PSME1: variants seen among roughly 807,000 people sequenced by gnomAD.
PSME1 encodes the protein proteasome activator complex subunit 1.
In PSME1, 15 loss-of-function variants were observed where a neutral mutation model predicts 38.4. The ratio of observed to expected loss-of-function variants is 0.39; its 90% CI spans 0.26 to 0.60. The LOEUF (loss-of-function observed/expected upper bound fraction) is 0.60, where lower values mean the gene tolerates loss of function less well. Among genes scored for constraint, PSME1 ranks in the 20% least tolerant of loss-of-function variants. The probability of loss-of-function intolerance (pLI) is 0.53; values close to 1 mark genes in which losing one functional copy is unlikely to be tolerated. For synonymous variants in PSME1, 106 were observed against 106.8 expected, an observed-to-expected ratio of 0.99 and a Z score of 0.05; for missense variants, 249 against 305.6, an observed-to-expected ratio of 0.81 and a Z score of 1.38.
Position 24,138,835 on chromosome 14 carries a change from T to C in PSME1, c.*19T>C. The C allele has an allele frequency of 6.2e-7, 1 of 1,611,804 alleles. No homozygotes were observed. Among genetic ancestry groups the C allele is most frequent in the East Asian group, 2.2e-5 (1 of 44,880 alleles). On this transcript the variant is annotated 3_prime_UTR_variant, in exon 11 of 11. Coordinates refer to ENST00000206451, the MANE Select transcript of PSME1 (RefSeq NM_006263.4). Reference sequence around the variant, plus strand: ...CTATTGAGAGCCCTCTCTCCCATTCTGTGATGAGTACAGCAGAGACCTTCC... The same window carrying C: ...CTATTGAGAGCCCTCTCTCCCATTCCGTGATGAGTACAGCAGAGACCTTCC...
chr14:24,136,300 A>C lies in PSME1; in HGVS notation c.38A>C (p.Lys13Thr). 1.3e-6 allele frequency: 2 copies of C among 1,526,502 alleles called. No homozygotes were observed. Among genetic ancestry groups the C allele is most frequent in the Non-Finnish European group, 1.8e-6 (2 of 1,138,226 alleles). 94.6% of individuals were successfully genotyped at this position (1,526,502 alleles called of 1,614,324 possible). A position where few individuals can be genotyped will look rare whatever the true frequency, so the allele number is the denominator to read the frequency against. ...AGGGTCCAGCCCGAGGCCCAAGCCA[A>C]GGTGAGCGCCGCGGGGTCTAGAAAG... is the stretch of plus-strand genomic sequence containing the variant. Reference protein sequence around the residue: ...MLRVQPEAQAKVDVFREDLCT... With the variant: ...MLRVQPEAQATVDVFREDLCT... Residue 13 changes from lysine (K) to threonine (T), a missense_variant and splice_region_variant, in exon 1 of 11, where the codon AAG becomes ACG. Transcript: ENST00000206451. The surrounding 1 kb of genome is among the most constrained non-coding windows in gnomAD (Gnocchi z 4.8).
Position 24,136,805 on chromosome 14 carries a change from T to A in PSME1, c.40-180T>A. On this transcript the variant is annotated intron_variant, in intron 1 of 10. Coordinates refer to ENST00000206451, the MANE Select transcript of PSME1 (RefSeq NM_006263.4). This position sits in a 1 kb window ranked among gnomAD's most constrained non-coding sequence, Gnocchi z 4.8. ...TTCCGTAGATCCAGGTCTGCAGAGATCCACCTTCTCCACCACCCCAACCCA... is the reference window on the plus strand; with the variant it reads ...TTCCGTAGATCCAGGTCTGCAGAGAACCACCTTCTCCACCACCCCAACCCA... 1.4e-6 allele frequency: 1 copy of A among 692,960 alleles called. No individual in the cohort carries two copies. The highest frequency in any genetic ancestry group is 2.6e-6 in the Non-Finnish European group (1 of 383,882). The allele number at this position is 692,960 out of a possible 1,614,324, so 42.9% of individuals were successfully genotyped here.
At position 24,136,286 on chromosome 14, in the gene PSME1, C is replaced by T. The variant is rs1207525196; in HGVS notation, c.24C>T (p.Pro8=). 3 of 1,529,438 alleles carry T rather than the reference C, an allele frequency of 2.0e-6. No individual in the cohort carries two copies. Among genetic ancestry groups the T allele is most frequent in the Admixed American group, 2.0e-5 (1 of 48,790 alleles). The allele number at this position is 1,529,438 out of a possible 1,614,324, so 94.7% of individuals were successfully genotyped here. A position where few individuals can be genotyped will look rare whatever the true frequency, so the allele number is the denominator to read the frequency against. The change falls in exon 1 of 11, where the codon CCC becomes CCT. Residue 8 remains proline (P), a synonymous_variant. Coordinates refer to ENST00000206451, the MANE Select transcript of PSME1 (RefSeq NM_006263.4). This position sits in a 1 kb window ranked among gnomAD's most constrained non-coding sequence, Gnocchi z 4.8. ...TCATGGCCATGCTCAGGGTCCAGCCCGAGGCCCAAGCCAAGGTGAGCGCCG... is the reference window on the plus strand; with the variant it reads ...TCATGGCCATGCTCAGGGTCCAGCCTGAGGCCCAAGCCAAGGTGAGCGCCG... The part of the protein sequence containing the change: MAMLRVQ[P]EAQAKVDVFR...
In PSME1 at chr14:24,138,902, C is replaced by T; in HGVS notation, c.*86C>T. The T allele has an allele frequency of 6.3e-7, 1 of 1,591,720 alleles. No homozygotes were observed. Among genetic ancestry groups the T allele is most frequent in the Non-Finnish European group, 8.6e-7 (1 of 1,166,552 alleles). ...CTCCAGATTTTCCCCAAACTTGCTT[C>T]TGTTGAGATTTTTCCCTCACCTTGC... On this transcript the variant is annotated 3_prime_UTR_variant, in exon 11 of 11. Transcript: ENST00000206451.
At position 24,138,550 on chromosome 14, in the gene PSME1, G is replaced by C; in HGVS notation, c.659G>C (p.Arg220Pro). Residue 220 changes from arginine (R) to proline (P), a missense_variant, in exon 10 of 11, where the codon CGC becomes CCC. Coordinates refer to ENST00000206451, the MANE Select transcript of PSME1 (RefSeq NM_006263.4). ...ATCCGGCTGATGGTCATGGAGATCC[G>C]CAATGCTTATGTGAGGAGGCAAGGG... Reference protein sequence around the residue: ...RDIRLMVMEIRNAYAVLYDII... With the variant: ...RDIRLMVMEIPNAYAVLYDII... 2.5e-6 allele frequency: 4 copies of C among 1,614,028 alleles called. No individual in the cohort carries two copies. The highest frequency in any genetic ancestry group is 3.4e-6 in the Non-Finnish European group (4 of 1,180,018).
rs1377037574 is a variant in PSME1, at chr14:24,138,031, G to A, written c.391-18G>A. 1.2e-6 allele frequency: 2 copies of A among 1,613,568 alleles called. No individual in the cohort carries two copies. Among genetic ancestry groups the A allele is most frequent in the Non-Finnish European group, 1.7e-6 (2 of 1,179,438 alleles). Reference sequence around the variant, plus strand: ...GGGTAGAGGGCTGATGTGGCATTATGCCATTCCCTCTTCCCAGGTCACCAC... The same window carrying A: ...GGGTAGAGGGCTGATGTGGCATTATACCATTCCCTCTTCCCAGGTCACCAC... On this transcript the variant is annotated intron_variant, in intron 6 of 10. Coordinates refer to ENST00000206451, the MANE Select transcript of PSME1 (RefSeq NM_006263.4).
chr14:24,137,696 C>G lies in PSME1; in HGVS notation c.293-4C>G, dbSNP rs1227919110. 7 of 1,614,000 alleles carry G rather than the reference C, an allele frequency of 4.3e-6. No individual in the cohort carries two copies. Among genetic ancestry groups the G allele is most frequent in the Admixed American group, 1.7e-5 (1 of 60,030 alleles). ...ATGTGACTGACCCATTGCTCACTCT[C>G]TAGGTCCTCCCTGTGGCCCAGTGAA... On this transcript the variant is annotated splice_polypyrimidine_tract_variant and splice_region_variant and intron_variant, in intron 5 of 10. Transcript: ENST00000206451.
chr14:24,138,275 C>T lies in PSME1; in HGVS notation c.527+12C>T. ...ACTCAAATCTCTAAGTGAGTGACCACCCATGTGCACACTGTTTTTGTTTTG... is the reference window on the plus strand; with the variant it reads ...ACTCAAATCTCTAAGTGAGTGACCATCCATGTGCACACTGTTTTTGTTTTG... On this transcript the variant is annotated intron_variant, in intron 8 of 10. Transcript: ENST00000206451. 1 of 1,614,046 alleles carries T rather than the reference C, an allele frequency of 6.2e-7. No homozygotes were observed. Among genetic ancestry groups the T allele is most frequent in the Non-Finnish European group, 8.5e-7 (1 of 1,179,898 alleles).
intron 6 of PSME1, 101 bp from the exon 7 acceptor site, chr14:24,137,948 C>T (rs961967844): frequency 1.9e-5 from 29 of 1,508,786 alleles, no homozygotes; most frequent in African/African-American, 4.1e-5. Flanking sequence ...AGGATAGACC[C>T]GGCACGCCTC....
Position 24,137,308 on chromosome 14 carries a change from C to A in PSME1, c.136-13C>A, listed in dbSNP as rs770687191. The stretch of plus-strand genomic sequence containing the variant: ...ACTCCCTCACCTCCAGCCCTCCTCC[C>A]ACCCTACACCAGGAGCCAGCTCTCA... On this transcript the variant is annotated splice_polypyrimidine_tract_variant and intron_variant, in intron 3 of 10. Coordinates refer to ENST00000206451, the MANE Select transcript of PSME1 (RefSeq NM_006263.4). 1 of 1,613,556 alleles carries A rather than the reference C, an allele frequency of 6.2e-7. No individual in the cohort carries two copies. The highest frequency in any genetic ancestry group is 1.3e-5 in the African/African-American group (1 of 74,994).
chr14:24,138,131 C>G lies in PSME1; in HGVS notation c.459+14C>G, dbSNP rs11574511. On this transcript the variant is annotated intron_variant, in intron 7 of 10. Coordinates refer to ENST00000206451, the MANE Select transcript of PSME1 (RefSeq NM_006263.4). ...GTGGCTGTCCAGGTGAGAGCGCTGC[C>G]CCACTTCCCTGCTCTTTTCTAGTCC... is the stretch of plus-strand genomic sequence containing the variant. 0.026 allele frequency: 42,241 copies of G among 1,614,056 alleles called. 709 individuals carry two copies. The highest frequency in any genetic ancestry group is 0.056 in the Middle Eastern group (338 of 6,062).
rs751061723 is a variant in PSME1 at position 24,137,005 on chromosome 14, C to A, written c.60C>A (p.Asp20Glu). ...CACAGGTGGATGTGTTTCGTGAAGA[C>A]CTCTGTACCAAGGTAAGACATGCCC... ...AQAKVDVFRE[D>E]LCTKTENLLG... The change falls in exon 2 of 11, where the codon GAC becomes GAA. Residue 20 changes from aspartate to glutamate, a missense_variant. Physicochemically the swap from Asp to Glu is conservative, Grantham distance 45. Transcript: ENST00000206451. 39 of 1,614,040 alleles carry A rather than the reference C, an allele frequency of 2.4e-5. No homozygotes were observed. Among genetic ancestry groups the A allele is most frequent in the Non-Finnish European group, 3.3e-5 (39 of 1,180,046 alleles).
Position 24,138,136 on chromosome 14 carries a change from T to C in PSME1, c.459+19T>C. The C allele has an allele frequency of 6.2e-7, 1 of 1,614,140 alleles. No individual in the cohort carries two copies. Among genetic ancestry groups the C allele is most frequent in the Non-Finnish European group, 8.5e-7 (1 of 1,179,990 alleles). On this transcript the variant is annotated intron_variant, in intron 7 of 10. Transcript: ENST00000206451. ...TGTCCAGGTGAGAGCGCTGCCCCAC[T>C]TCCCTGCTCTTTTCTAGTCCATGCT...
chr14:24,138,790 G>A lies in PSME1; in HGVS notation c.724G>A (p.Gly242Arg). 2 of 1,614,122 alleles carry A rather than the reference G, an allele frequency of 1.2e-6. No individual in the cohort carries two copies. The highest frequency in any genetic ancestry group is 1.7e-6 in the Non-Finnish European group (2 of 1,179,996). ...CTTCGAGAAGCTCAAGAAGCCCAGG[G>A]GAGAAACAAAGGGAATGATCTATTG... Reference protein sequence around the residue: ...KNFEKLKKPRGETKGMIY With the variant: ...KNFEKLKKPRRETKGMIY The change falls in exon 11 of 11, where the codon GGA becomes AGA. Residue 242 changes from glycine (G) to arginine (R), a missense_variant. Transcript: ENST00000206451.
At position 24,138,253 on chromosome 14, in the gene PSME1, C is replaced by T. The variant is rs2037950779; in HGVS notation, c.517C>T (p.Gln173Ter). Residue 173 changes from glutamine (Q) to a stop codon, truncating the protein, a stop_gained, in exon 8 of 11, where the codon CAA (glutamine) becomes TAA (stop). Transcript: ENST00000206451. LOFTEE classifies it high-confidence loss of function. ...CACCAAGCTAGAAGGCTTCCACACT[C>T]AAATCTCTAAGTGAGTGACCACCCA... ...LHTKLEGFHT[Q>*]ISKYFSERGD... 1 of 1,614,086 alleles carries T rather than the reference C, an allele frequency of 6.2e-7. No individual in the cohort carries two copies. Among genetic ancestry groups the T allele is most frequent in the African/African-American group, 1.3e-5 (1 of 74,936 alleles).
At position 24,137,372 on chromosome 14, in the gene PSME1, A is replaced by G. The variant is rs904009951; in HGVS notation, c.187A>G (p.Ile63Val). The change falls in exon 4 of 11, where the codon ATC (isoleucine) becomes GTC (valine). Residue 63 changes from isoleucine to valine, a missense_variant. Ile to Val is a conservative substitution (Grantham distance 29). Coordinates refer to ENST00000206451, the MANE Select transcript of PSME1 (RefSeq NM_006263.4). ...GAGCAATCTGAAGGCCCCATTGGACATCCCAGTGCCTGATCCAGTCAAGGA... is the reference window on the plus strand; with the variant it reads ...GAGCAATCTGAAGGCCCCATTGGACGTCCCAGTGCCTGATCCAGTCAAGGA... ...NLSNLKAPLD[I>V]PVPDPVKEKE... 1 of 1,614,152 alleles carries G rather than the reference A, an allele frequency of 6.2e-7. No homozygotes were observed. The highest frequency in any genetic ancestry group is 1.1e-5 in the South Asian group (1 of 91,084).
chr14:24,138,266 G>A lies in PSME1; in HGVS notation c.527+3G>A, dbSNP rs760509143. 3.7e-6 allele frequency: 6 copies of A among 1,614,006 alleles called. No homozygotes were observed. The highest frequency in any genetic ancestry group is 2.2e-5 in the South Asian group (2 of 91,086). The stretch of plus-strand genomic sequence containing the variant: ...GGCTTCCACACTCAAATCTCTAAGT[G>A]AGTGACCACCCATGTGCACACTGTT... On this transcript the variant is annotated splice_donor_region_variant and intron_variant, in intron 8 of 10. Coordinates refer to ENST00000206451, the MANE Select transcript of PSME1 (RefSeq NM_006263.4).
rs772011952 is a variant in PSME1, at chr14:24,138,245, T to C, written c.509T>C (p.Phe170Ser). The C allele has an allele frequency of 6.2e-6, 10 of 1,614,206 alleles. No homozygotes were observed. In the Admixed American group the frequency reaches 8.3e-5, roughly 13 times the overall value. ...AGCCTCCACACCAAGCTAGAAGGCT[T>C]CCACACTCAAATCTCTAAGTGAGTG... is the stretch of plus-strand genomic sequence containing the variant. ...MTSLHTKLEG[F>S]HTQISKYFSE... The change falls in exon 8 of 11, where the codon TTC (phenylalanine) becomes TCC (serine). Residue 170 changes from phenylalanine to serine, a missense_variant. Phe to Ser is a radical substitution (Grantham distance 155, BLOSUM62 -2). Coordinates refer to ENST00000206451, the MANE Select transcript of PSME1 (RefSeq NM_006263.4).
chr14:24,137,703 CT>C lies in PSME1; in HGVS notation c.297del (p.Cys101ValfsTer4). The C allele has an allele frequency of 6.2e-7, 1 of 1,614,170 alleles. No individual in the cohort carries two copies. Among genetic ancestry groups the C allele is most frequent in the Non-Finnish European group, 8.5e-7 (1 of 1,179,980 alleles). On this transcript the variant is annotated frameshift_variant, in exon 6 of 11. Transcript: ENST00000206451. LOFTEE classifies it high-confidence loss of function. ...TGACCCATTGCTCACTCTCTAGGTC[CT>C]CCCTGTGGCCCAGTGAACTGCAATG... ...KKKGEDEDKGPPCGPVNCNEK... is the reference protein window; with the variant it reads ...KKKGEDEDKGXPCGPVNCNEK...
Sources: allele counts gnomAD v4.1 joint callset, GRCh38; gene constraint gnomAD v4.1.1; non-coding constraint Gnocchi (gnomAD v3.1); transcripts MANE v1.5; gene names NCBI Gene and HGNC (gene_info 2026-07-23, HGNC 2026-07-21).